The following AGMO variants were observed in gnomAD, a reference collection of about 807,000 sequenced individuals.
AGMO encodes alkylglycerol monooxygenase, also known as glyceryl-ether monooxygenase.
AGMO carries 75 observed loss-of-function variants against 60.2 expected under a neutral mutation model. The observed-to-expected ratio is 1.25, with a 90% CI of 1.03 to 1.51. The LOEUF is 1.51. Among genes scored for constraint, AGMO ranks in the 40% most tolerant of loss-of-function variants. The pLI is 0.00. For missense variants in AGMO, 763 were observed against 525.5 expected, an observed-to-expected ratio of 1.45 and a Z score of -4.42; for synonymous variants, 261 against 177.1, an observed-to-expected ratio of 1.47 and a Z score of -3.76.
intron 12 of AGMO, among the ~76,000 whole-genome samples, chr7:15,234,559 T>C (rs979028108): frequency 4.6e-5 from 7 of 152,186 alleles, no homozygotes; most frequent in Non-Finnish European, 1.0e-4. Context: ...TTTGTGTTTT[T>C]CTTATAGCAT....
intron 3 of AGMO, among the ~76,000 whole-genome samples, chr7:15,534,957 A>G (rs1784453491): frequency 6.6e-6 from 1 of 151,962 alleles, no homozygotes; most frequent in Non-Finnish European, 1.5e-5. Context: ...TGAATTCATA[A>G]CTTTTTTACT....
chr7:15,518,621 C>A (rs1392133464), intron 3 of AGMO, among the ~76,000 whole-genome samples: 1 of 152,084 alleles, frequency 6.6e-6, no homozygotes, highest in Non-Finnish European at 1.5e-5. Flanking sequence ...GAAGCAGTAG[C>A]ATTGACATCA....
chr7:15,341,905 C>A (rs1311108345), intron 12 of AGMO, among the ~76,000 whole-genome samples: 1 of 151,908 alleles, frequency 6.6e-6, no homozygotes, highest in East Asian at 1.9e-4. Flanking sequence ...ATCATGAGAA[C>A]AGCATGGGAA....
rs559216332 is a variant in AGMO at position 15,436,931 on chromosome 7, T to TA, written c.410-5824dup. Among the ~76,000 whole-genome samples, 19 of 152,272 alleles carry TA rather than the reference T, an allele frequency of 1.2e-4. No individual in the cohort carries two copies. The South Asian group carries it at 3.1e-3, about 25-fold the overall frequency. On this transcript the variant is annotated intron_variant, in intron 3 of 12. Transcript: ENST00000342526. ...AACGGTCTTTAACAAGATATCTAAA[T>TA]ATAAAATATTAAGTTTTTAAGTTTA...
chr7:15,373,104 A>T (rs1487016025), intron 10 of AGMO, among the ~76,000 whole-genome samples: 1 of 152,004 alleles, frequency 6.6e-6, no homozygotes, highest in Non-Finnish European at 1.5e-5. Context: ...TCTCTACTAA[A>T]AACACAAAAA....
At chr7:15,384,000 A>G (rs1293674695) in intron 10 of AGMO, among the ~76,000 whole-genome samples, 1 of 151,826 alleles carries the variant, frequency 6.6e-6, no homozygotes, top group Non-Finnish European at 1.5e-5. Context: ...CAGTGGCGCG[A>G]TCTCGGCTCA....
At chr7:15,299,086 C>T (rs1784483497) in intron 12 of AGMO, among the ~76,000 whole-genome samples, 1 of 152,104 alleles carries the variant, frequency 6.6e-6, no homozygotes, top group Non-Finnish European at 1.5e-5. Flanking sequence ...ATCAACACCC[C>T]AGTAGTTGGA....
chr7:15,322,570 A>G lies in AGMO; in HGVS notation c.1263+42944T>C, dbSNP rs746985113. Among the ~76,000 whole-genome samples, 177 of 45,424 alleles carry G rather than the reference A, an allele frequency of 3.9e-3. 9 individuals carry two copies. Among genetic ancestry groups the G allele is most frequent in the African/African-American group, 0.016 (145 of 9,108 alleles). The allele number at this position is 45,424 out of a possible 152,430, so 29.8% of individuals were successfully genotyped here. A position where few individuals can be genotyped will look rare whatever the true frequency, so the allele number is the denominator to read the frequency against. ...TAAATATATATAAATATATAAATAT[A>G]TATAAATATATATAAATATATAAAT... On this transcript the variant is annotated intron_variant, in intron 12 of 12. Transcript: ENST00000342526.
the AGMO span, among the ~76,000 whole-genome samples, chr7:15,142,210 A>G: frequency 2.6e-5 from 4 of 152,220 alleles, no homozygotes; most frequent in Non-Finnish European, 5.9e-5. Flanking sequence ...CCACTTTTTA[A>G]TCTTAAATCA....
intron 3 of AGMO, among the ~76,000 whole-genome samples, chr7:15,475,033 C>T (rs532348197): frequency 3.3e-5 from 5 of 152,058 alleles, no homozygotes; most frequent in Admixed American, 1.3e-4. Flanking sequence ...ATTAAAAAGT[C>T]GGGAAACAAC....
At chr7:15,160,964 T>C in the AGMO span, among the ~76,000 whole-genome samples, 1 of 152,084 alleles carries the variant, frequency 6.6e-6, no homozygotes, top group African/African-American at 2.4e-5. Context: ...CATCATCTCA[T>C]GGATGAAGGC....
intron 3 of AGMO, among the ~76,000 whole-genome samples, chr7:15,478,318 A>T (rs1167816636): frequency 6.6e-6 from 1 of 152,134 alleles, no homozygotes; most frequent in East Asian, 1.9e-4. Flanking sequence ...TTGTTTGTCT[A>T]TGAAACTAAA....
chr7:15,406,465 A>G (rs1784696515), intron 5 of AGMO, among the ~76,000 whole-genome samples: 1 of 126,960 alleles, frequency 7.9e-6, no homozygotes, highest in African/African-American at 3.0e-5. Flanking sequence ...ACCCACGTAT[A>G]CACATATATG....
rs1167866471 is a variant in AGMO, at chr7:15,531,165, ATATATATTC to A, written c.409+13598_409+13606del. Reference sequence around the variant, plus strand: ...TATATATATTCTATATATATTCTATATATATATTCTATATATTCTATATATATTCTATAT... The same window carrying A: ...TATATATATTCTATATATATTCTATATATATATTCTATATATATTCTATAT... On this transcript the variant is annotated intron_variant, in intron 3 of 12. Coordinates refer to ENST00000342526, the MANE Select transcript of AGMO (RefSeq NM_001004320.2). Among the ~76,000 whole-genome samples, 266 of 55,432 alleles carry A rather than the reference ATATATATTC, an allele frequency of 4.8e-3. 2 individuals carry two copies. The highest frequency in any genetic ancestry group is 7.1e-3 in the Non-Finnish European group (229 of 32,190). 36.4% of individuals were successfully genotyped at this position (55,432 alleles called of 152,430 possible). A position where few individuals can be genotyped will look rare whatever the true frequency, so the allele number is the denominator to read the frequency against.
chr7:15,518,183 G>C (rs1052095267), intron 3 of AGMO, among the ~76,000 whole-genome samples: 3 of 152,148 alleles, frequency 2.0e-5, no homozygotes, highest in African/African-American at 7.2e-5. Context: ...TTACTACATA[G>C]ATAAAACTCC....
chr7:15,240,229 C>T (rs1190280587), intron 12 of AGMO, among the ~76,000 whole-genome samples: 1 of 152,048 alleles, frequency 6.6e-6, no homozygotes, highest in Non-Finnish European at 1.5e-5. Flanking sequence ...TACAGGACGA[C>T]AAGTTAAGTT....
At chr7:15,474,279 A>G (rs917148381) in intron 3 of AGMO, among the ~76,000 whole-genome samples, 3 of 151,964 alleles carry the variant, frequency 2.0e-5, no homozygotes, top group Non-Finnish European at 4.4e-5. Flanking sequence ...CTGGAGGAAT[A>G]ATGTTACCTG....
intron 8 of AGMO, among the ~76,000 whole-genome samples, chr7:15,389,963 A>T (rs749782402): frequency 2.6e-5 from 4 of 152,184 alleles, no homozygotes; most frequent in African/African-American, 9.7e-5. Flanking sequence ...CACTTACCGA[A>T]TGTTGTAACC....
intron 2 of AGMO, among the ~76,000 whole-genome samples, chr7:15,556,844 A>G (rs1240336555): frequency 2.0e-5 from 3 of 152,080 alleles, no homozygotes; most frequent in Non-Finnish European, 2.9e-5. Context: ...ATACATAGAC[A>G]TATATTTTTA....
Sources: allele counts gnomAD v4.1 joint callset (sites outside exome capture counted in the v4.1 genomes callset), GRCh38; gene constraint gnomAD v4.1.1; transcripts MANE v1.5; gene names NCBI Gene and HGNC (gene_info 2026-07-23, HGNC 2026-07-21).